The following TRIM44 variants were observed in gnomAD, a reference collection of about 807,000 sequenced individuals.
TRIM44 encodes the protein tripartite motif-containing protein 44.
Under a neutral mutation model 37.4 loss-of-function variants are expected in TRIM44, and 13 were observed. That is an observed-to-expected ratio of 0.35 (90% confidence interval 0.23 to 0.55). The LOEUF is 0.55. TRIM44 is among the 20% of genes least tolerant of loss of function. TRIM44 has a pLI of 0.89. For missense variants in TRIM44, 426 were observed against 437.2 expected, an observed-to-expected ratio of 0.97 and a Z score of 0.23; for synonymous variants, 175 against 157.2, an observed-to-expected ratio of 1.11 and a Z score of -0.85.
intron 3 of TRIM44, among the ~76,000 whole-genome samples, chr11:35,727,966 A>G (rs574513850): frequency 1.1e-4 from 16 of 152,372 alleles, no homozygotes; most frequent in African/African-American, 3.8e-4. Context: ...TTCTGTCCAC[A>G]GTTCCTATCA....
At chr11:35,785,742 G>A (rs1853123829) in intron 4 of TRIM44, among the ~76,000 whole-genome samples, 1 of 152,110 alleles carries the variant, frequency 6.6e-6, no homozygotes, top group Admixed American at 6.5e-5. Context: ...GTGCCTTCAG[G>A]GGCCTATATA....
At chr11:35,756,362 T>C (rs1565002062) in intron 4 of TRIM44, among the ~76,000 whole-genome samples, 2 of 152,344 alleles carry the variant, frequency 1.3e-5, no homozygotes, top group South Asian at 4.1e-4. Flanking sequence ...TTTTGTATCC[T>C]GAGACTTTGC....
chr11:35,715,873 A>C (rs1852034349), intron 2 of TRIM44, among the ~76,000 whole-genome samples: 1 of 152,062 alleles, frequency 6.6e-6, no homozygotes, highest in Non-Finnish European at 1.5e-5. Context: ...AGGAAGTGCT[A>C]CCCATTTTTA....
chr11:35,694,234 C>T (rs548972749), intron 2 of TRIM44, among the ~76,000 whole-genome samples: 1 of 152,264 alleles, frequency 6.6e-6, no homozygotes, highest in East Asian at 1.9e-4. Context: ...GAGCCGATTA[C>T]GTGGGATACG....
chr11:35,725,738 G>A (rs144750792), intron 2 of TRIM44, among the ~76,000 whole-genome samples, 186 bp from the exon 3 acceptor site: 128 of 152,188 alleles, frequency 8.4e-4, no homozygotes, highest in African/African-American at 2.9e-3. Context: ...GAATGAAAAA[G>A]GCAAAAAGAT....
chr11:35,687,940 C>T (rs1851599709), intron 2 of TRIM44, among the ~76,000 whole-genome samples: 1 of 152,112 alleles, frequency 6.6e-6, no homozygotes, highest in African/African-American at 2.4e-5. Context: ...TACTTGGAGC[C>T]AGCTTGAAGA....
chr11:35,718,676 A>G (rs3118131), intron 2 of TRIM44, among the ~76,000 whole-genome samples: 4,052 of 152,256 alleles, frequency 0.027, 138 homozygotes, highest in African/African-American at 0.076. Flanking sequence ...AATATCATAC[A>G]GAGTAGTTTC....
chr11:35,674,569 A>G (rs933684152), intron 1 of TRIM44, among the ~76,000 whole-genome samples: 18 of 152,186 alleles, frequency 1.2e-4, no homozygotes, highest in Non-Finnish European at 5.9e-5. Context: ...TAAGGTAATA[A>G]TTGGTTTTTA....
In TRIM44 at chr11:35,740,874, G is replaced by A. The variant is rs140582611; in HGVS notation, c.1007+5429G>A. On this transcript the variant is annotated intron_variant, in intron 4 of 4. Coordinates refer to ENST00000299413, the MANE Select transcript of TRIM44 (RefSeq NM_017583.6). ...GCTTACAGATTCTATAATTTGGTGG[G>A]TTTTTTTTCCTCAATTTTGTTTCTT... 1.9e-3 allele frequency among the ~76,000 whole-genome samples: 281 copies of A among 151,800 alleles called. 3 individuals carry two copies. The highest frequency in any genetic ancestry group is 6.5e-3 in the African/African-American group (270 of 41,370).
chr11:35,703,548 C>G (rs1218374767), intron 2 of TRIM44, among the ~76,000 whole-genome samples: 1 of 152,192 alleles, frequency 6.6e-6, no homozygotes, highest in Non-Finnish European at 1.5e-5. Flanking sequence ...CGGCCGGGTA[C>G]TCCCCTGAGA....
intron 3 of TRIM44, among the ~76,000 whole-genome samples, chr11:35,735,198 C>CAA (rs1415350572): frequency 2.0e-5 from 3 of 152,196 alleles, no homozygotes; most frequent in Non-Finnish European, 4.4e-5. Context: ...ATTCACTTCT[C>CAA]TGCTCTGCTT....
chr11:35,718,386 A>G (rs956775973), intron 2 of TRIM44, among the ~76,000 whole-genome samples: 1 of 152,184 alleles, frequency 6.6e-6, no homozygotes, highest in Non-Finnish European at 1.5e-5. Context: ...TGCCAGTGAA[A>G]TGGCACCAAC....
At chr11:35,714,741 T>C (rs1006927393) in intron 2 of TRIM44, among the ~76,000 whole-genome samples, 13 of 152,226 alleles carry the variant, frequency 8.5e-5, no homozygotes, top group African/African-American at 2.9e-4. Context: ...GTATAAATTC[T>C]GTATAGTTGC....
chr11:35,727,990 C>T (rs1469403368), intron 3 of TRIM44, among the ~76,000 whole-genome samples: 1 of 152,210 alleles, frequency 6.6e-6, no homozygotes, highest in Non-Finnish European at 1.5e-5. Context: ...TCGACCCCTT[C>T]ATTTATTCCC....
chr11:35,746,108 C>G (rs1392355707), intron 4 of TRIM44, among the ~76,000 whole-genome samples: 1 of 152,118 alleles, frequency 6.6e-6, no homozygotes, highest in Admixed American at 6.5e-5. Context: ...GAAGGAATGC[C>G]ACATTGGTCC....
At chr11:35,727,848 T>TC (rs1852201214) in intron 3 of TRIM44, among the ~76,000 whole-genome samples, 1 of 152,166 alleles carries the variant, frequency 6.6e-6, no homozygotes, top group South Asian at 2.1e-4. Context: ...ATGAGAAGAA[T>TC]CCATGTTCTA....
Position 35,805,125 on chromosome 11 carries a change from T to C in TRIM44, c.1008-1233T>C, listed in dbSNP as rs112487888. ...CCTTGAGTTTTAAGGACACAGACCT[T>C]ACTATGTGACCCTAGGATTTTACAT... On this transcript the variant is annotated intron_variant, in intron 4 of 4. Transcript: ENST00000299413. Among the ~76,000 whole-genome samples, 1,136 of 152,270 alleles carry C rather than the reference T, an allele frequency of 7.5e-3. 3 individuals are homozygous for C. Among genetic ancestry groups the C allele is most frequent in the Admixed American group, 0.011 (161 of 15,292 alleles).
intron 2 of TRIM44, among the ~76,000 whole-genome samples, chr11:35,696,394 G>A (rs3118135): frequency 0.026 from 3,931 of 150,948 alleles, 127 homozygotes; most frequent in African/African-American, 0.073. Flanking sequence ...CACCTGTCTC[G>A]GCCTCCCAAA....
intron 2 of TRIM44, among the ~76,000 whole-genome samples, chr11:35,709,323 C>A (rs899454405): frequency 1.3e-5 from 2 of 152,162 alleles, no homozygotes; most frequent in Non-Finnish European, 2.9e-5. Context: ...TTATGTATCC[C>A]ATTTTTACAT....
Sources: gnomAD v4.1 joint callset for allele counts (sites outside exome capture counted in the v4.1 genomes callset) on GRCh38, gnomAD v4.1.1 for gene constraint, MANE v1.5 for transcripts, NCBI Gene and HGNC (gene_info 2026-07-23, HGNC 2026-07-21) for gene names.